Variants in PTPRT observed in about 807,000 individuals in gnomAD.
PTPRT encodes the protein receptor-type tyrosine-protein phosphatase T.
A neutral mutation model predicts 176.8 loss-of-function variants in PTPRT; 56 were observed. That is an observed-to-expected ratio of 0.32 (90% CI 0.26 to 0.40). The LOEUF (loss-of-function observed/expected upper bound fraction) is 0.40. PTPRT is among the 10% of genes least tolerant of loss of function. The probability of loss-of-function intolerance (pLI) is 1.00; values close to 1 mark genes in which losing one functional copy is unlikely to be tolerated. For missense variants in PTPRT, 1,540 were observed against 1,908.2 expected, an observed-to-expected ratio of 0.81 and a Z score of 3.60; for synonymous variants, 783 against 739.0, an observed-to-expected ratio of 1.06 and a Z score of -0.96.
At chr20:42,346,281 C>G (rs984410043) in intron 11 of PTPRT, among the ~76,000 whole-genome samples, 1 of 152,132 alleles carries the variant, frequency 6.6e-6, no homozygotes, top group Non-Finnish European at 1.5e-5. Context: ...GGCTCTGCCC[C>G]CAGCCTCACT....
At position 42,612,763 on chromosome 20, in the gene PTPRT, GA is replaced by G. The variant is rs143885036; in HGVS notation, c.1153+65102del. On this transcript the variant is annotated intron_variant, in intron 7 of 30. Coordinates refer to ENST00000373187, the MANE Select transcript of PTPRT (RefSeq NM_007050.6). ...AATATACACTGAATCATCTTTAACAGAAAAAAAAAAACTAAAACCAACCAAA... is the reference window on the plus strand; with the variant it reads ...AATATACACTGAATCATCTTTAACAGAAAAAAAAAACTAAAACCAACCAAA... Among the ~76,000 whole-genome samples the G allele has an allele frequency of 4.1e-3, 575 of 140,454 alleles. 2 individuals are homozygous for G. The highest frequency in any genetic ancestry group is 0.012 in the East Asian group (57 of 4,844). The allele number at this position is 140,454 out of a possible 152,430, so 92.1% of individuals were successfully genotyped here. A position where few individuals can be genotyped will look rare whatever the true frequency, so the allele number is the denominator to read the frequency against.
At chr20:42,765,168 T>C (rs1337559579) in intron 5 of PTPRT, among the ~76,000 whole-genome samples, 1 of 152,212 alleles carries the variant, frequency 6.6e-6, no homozygotes, top group Non-Finnish European at 1.5e-5. Context: ...CATGGCTTCA[T>C]TTCTGAGACT....
In PTPRT at chr20:43,158,313, G is replaced by C. The variant is rs545849926; in HGVS notation, c.88+31333C>G. ...GAAGTCTGAGGGTGGAGCTGGTTTG[G>C]AGAATTAGGAGTTCAATTCTGGACA... On this transcript the variant is annotated intron_variant, in intron 1 of 30. Coordinates refer to ENST00000373187, the MANE Select transcript of PTPRT (RefSeq NM_007050.6). Among the ~76,000 whole-genome samples, 31 of 152,200 alleles carry C rather than the reference G, an allele frequency of 2.0e-4. 1 individual carries two copies. The highest frequency in any genetic ancestry group is 3.5e-4 in the Non-Finnish European group (24 of 68,044).
At chr20:42,850,866 T>A (rs1037273096) in intron 2 of PTPRT, among the ~76,000 whole-genome samples, 4 of 152,316 alleles carry the variant, frequency 2.6e-5, no homozygotes, top group Non-Finnish European at 5.9e-5. Flanking sequence ...GTCTACCTCC[T>A]GACGCCCTTT....
At chr20:42,841,669 T>C (rs8121032) in intron 2 of PTPRT, among the ~76,000 whole-genome samples, 13,090 of 151,452 alleles carry the variant, frequency 0.086, 706 homozygotes, top group Admixed American at 0.15. Flanking sequence ...ATAATCTCTC[T>C]CTCCATTTTC....
intron 1 of PTPRT, among the ~76,000 whole-genome samples, chr20:42,929,096 C>A (rs1001403394): frequency 2.0e-5 from 3 of 152,176 alleles, no homozygotes; most frequent in Non-Finnish European, 2.9e-5. Flanking sequence ...CACAAGATAC[C>A]CAGAAGGAAG....
At chr20:42,718,777 A>G (rs1320170789) in intron 6 of PTPRT, among the ~76,000 whole-genome samples, 1 of 152,084 alleles carries the variant, frequency 6.6e-6, no homozygotes, top group Non-Finnish European at 1.5e-5. Flanking sequence ...CTCGATCAGG[A>G]TGTTGTTTAC....
chr20:42,551,265 C>T (rs2072765401), intron 7 of PTPRT, among the ~76,000 whole-genome samples: 1 of 151,984 alleles, frequency 6.6e-6, no homozygotes, highest in Admixed American at 6.6e-5. Context: ...ATCATCATAC[C>T]CTGCAAAGAG....
chr20:43,189,478 C>CG lies in PTPRT; in HGVS notation c.88+167dup, dbSNP rs1427947391. On this transcript the variant is annotated intron_variant, in intron 1 of 30. Transcript: ENST00000373187. This position sits in a 1 kb window ranked among gnomAD's most constrained non-coding sequence, Gnocchi z 5.0. ...GGCCGGGCTCGCTGGCCGGGGCGCG[C>CG]GGGGACACTGCTTCCCGCGCCTGCA... 1.3e-5 allele frequency among the ~76,000 whole-genome samples: 2 copies of CG among 151,818 alleles called. No individual in the cohort carries two copies. Among genetic ancestry groups the CG allele is most frequent in the East Asian group, 3.9e-4 (2 of 5,100 alleles).
chr20:42,354,160 C>T (rs1208020894), intron 9 of PTPRT, among the ~76,000 whole-genome samples: 3 of 152,138 alleles, frequency 2.0e-5, no homozygotes, highest in African/African-American at 7.2e-5. Context: ...AAAAACCAAA[C>T]CATTACCAGG....
chr20:42,971,588 TTTG>T (rs1982640866), intron 1 of PTPRT: 1 of 152,168 alleles, frequency 6.6e-6, no homozygotes, highest in East Asian at 1.9e-4. Context: ...CATACCAGTC[TTTG>T]TTGTTGTTTG....
chr20:42,142,379 G>C (rs896962153), intron 17 of PTPRT, among the ~76,000 whole-genome samples: 5 of 152,168 alleles, frequency 3.3e-5, no homozygotes, highest in African/African-American at 1.2e-4. Flanking sequence ...TGAGCTTCCA[G>C]TCAACTAGGA....
intron 7 of PTPRT, among the ~76,000 whole-genome samples, chr20:42,562,710 C>T (rs2072972860): frequency 6.6e-6 from 1 of 152,148 alleles, no homozygotes; most frequent in African/African-American, 2.4e-5. Context: ...ACCTGAGGCT[C>T]AGCAGGTTCT....
At chr20:42,544,468 G>A (rs1418798209) in intron 7 of PTPRT, among the ~76,000 whole-genome samples, 4 of 152,192 alleles carry the variant, frequency 2.6e-5, no homozygotes, top group African/African-American at 9.6e-5. Flanking sequence ...TTGGCTTAAG[G>A]GAATGCTGCG....
At chr20:43,121,440 C>T (rs1183796617) in intron 1 of PTPRT, among the ~76,000 whole-genome samples, 1 of 152,156 alleles carries the variant, frequency 6.6e-6, no homozygotes, top group Non-Finnish European at 1.5e-5. Context: ...CTTCCAGTAG[C>T]GATGTATGAG....
At chr20:42,118,683 T>G (rs892701885) in intron 20 of PTPRT, among the ~76,000 whole-genome samples, 183 bp from the exon 21 acceptor site, 1 of 151,944 alleles carries the variant, frequency 6.6e-6, no homozygotes, top group Non-Finnish European at 1.5e-5. Flanking sequence ...GGGGACAGAT[T>G]AGGGTATGGA....
chr20:43,134,487 T>A (rs1298015904), intron 1 of PTPRT, among the ~76,000 whole-genome samples: 1 of 152,180 alleles, frequency 6.6e-6, no homozygotes, highest in Non-Finnish European at 1.5e-5. Flanking sequence ...GAATTCCCCT[T>A]ACCCCTCATG....
At chr20:42,371,194 G>A (rs1034642528) in intron 9 of PTPRT, among the ~76,000 whole-genome samples, 6 of 152,222 alleles carry the variant, frequency 3.9e-5, no homozygotes, top group African/African-American at 1.4e-4. Flanking sequence ...TCAGCCAGAG[G>A]TAAAACCTGA....
chr20:43,136,616 G>T (rs1017210549), intron 1 of PTPRT, among the ~76,000 whole-genome samples: 5 of 152,030 alleles, frequency 3.3e-5, no homozygotes, highest in Admixed American at 2.6e-4. Flanking sequence ...CTACACACAT[G>T]CACAGTACAT....
Sources: allele counts gnomAD v4.1 joint callset (sites outside exome capture counted in the v4.1 genomes callset), GRCh38; gene constraint gnomAD v4.1.1; non-coding constraint Gnocchi (gnomAD v3.1); transcripts MANE v1.5; gene names NCBI Gene and HGNC (gene_info 2026-07-23, HGNC 2026-07-21).